The following PPARD variants were observed in gnomAD, a reference collection of about 807,000 sequenced individuals.
The protein encoded by PPARD is peroxisome proliferator-activated receptor delta.
In PPARD, 6 loss-of-function variants were observed where a neutral mutation model predicts 39.5. That is an observed-to-expected ratio of 0.15 (90% CI 0.08 to 0.30). The LOEUF is 0.30. Among genes scored for constraint, PPARD ranks in the 10% least tolerant of loss-of-function variants. The probability of loss-of-function intolerance (pLI) is 1.00; values close to 1 mark genes in which losing one functional copy is unlikely to be tolerated. For synonymous variants in PPARD, 210 were observed against 231.3 expected (o/e 0.91, Z 0.83); for missense variants, 397 against 596.8 (o/e 0.67, Z 3.49).
Position 35,424,522 on chromosome 6 carries a change from TC to T in PPARD, c.823del (p.Leu275SerfsTer31), listed in dbSNP as rs756937984. The T allele has an allele frequency of 1.2e-6, 2 of 1,614,174 alleles. No homozygotes were observed. Among genetic ancestry groups the T allele is most frequent in the Non-Finnish European group, 1.7e-6 (2 of 1,180,028 alleles). On this transcript the variant is annotated frameshift_variant, in exon 7 of 8. Coordinates refer to ENST00000360694, the MANE Select transcript of PPARD (RefSeq NM_006238.5). LOFTEE classifies it high-confidence loss of function. The surrounding 1 kb of genome is among the most constrained non-coding windows in gnomAD (Gnocchi z 7.1). The part of the protein sequence containing the change: ...AKSIPSFSSL[F>X]LNDQVTLLKY... The stretch of plus-strand genomic sequence containing the variant: ...AGCATCCCCAGCTTCAGCAGCCTCT[TC>T]CTCAACGACCAGGTTACCCTTCTCA...
At chr6:35,418,267 C>T (rs1337675172) in intron 3 of PPARD, among the ~76,000 whole-genome samples, 1 of 152,230 alleles carries the variant, frequency 6.6e-6, no homozygotes, top group Non-Finnish European at 1.5e-5. Flanking sequence ...CACAGGCATC[C>T]ACAAAGGGTT....
At chr6:35,389,704 G>T (rs942369155) in intron 2 of PPARD, among the ~76,000 whole-genome samples, 3 of 152,322 alleles carry the variant, frequency 2.0e-5, no homozygotes, top group Non-Finnish European at 4.4e-5. Context: ...CTAACCATGA[G>T]TATGTTATAC....
chr6:35,398,464 C>CT (rs1764485386), intron 2 of PPARD, among the ~76,000 whole-genome samples: 1 of 152,134 alleles, frequency 6.6e-6, no homozygotes, highest in Admixed American at 6.5e-5. Context: ...ATGTGTTAGG[C>CT]TTGTGCTGCC....
chr6:35,406,991 G>T (rs1011713732), intron 2 of PPARD, among the ~76,000 whole-genome samples: 1 of 152,152 alleles, frequency 6.6e-6, no homozygotes, highest in Non-Finnish European at 1.5e-5. Flanking sequence ...TGCAAGGGGG[G>T]CCTATAAGGC....
At chr6:35,350,773 G>A (rs1761197258) in intron 2 of PPARD, among the ~76,000 whole-genome samples, 1 of 151,458 alleles carries the variant, frequency 6.6e-6, no homozygotes, top group Admixed American at 6.6e-5. Flanking sequence ...TTACAGGCAT[G>A]TGTCACCATG....
intron 1 of PPARD, among the ~76,000 whole-genome samples, chr6:35,346,145 C>G (rs1206079854): frequency 6.6e-6 from 1 of 152,102 alleles, no homozygotes; most frequent in Non-Finnish European, 1.5e-5. Flanking sequence ...TCCCAAAGTG[C>G]TGGGATTACA....
chr6:35,396,235 C>T (rs1487282187), intron 2 of PPARD, among the ~76,000 whole-genome samples: 4 of 150,966 alleles, frequency 2.6e-5, no homozygotes, highest in South Asian at 2.1e-4. Flanking sequence ...GACAGAGTCT[C>T]GCTCTGTCGC....
intron 2 of PPARD, among the ~76,000 whole-genome samples, chr6:35,368,810 G>A (rs1645148022): frequency 1.3e-5 from 2 of 152,234 alleles, no homozygotes; most frequent in South Asian, 4.1e-4. Context: ...GAGCTTTATG[G>A]TGGCCTCTGG....
chr6:35,398,399 G>T lies in PPARD; in HGVS notation c.-101-12588G>T, dbSNP rs74791644. Among the ~76,000 whole-genome samples, 95 of 152,322 alleles carry T rather than the reference G, an allele frequency of 6.2e-4. No homozygotes were observed. The East Asian group carries it at 0.014, about 23-fold the overall frequency. On this transcript the variant is annotated intron_variant, in intron 2 of 7. Transcript: ENST00000360694. ...TGACTCTAACTTAAAGGTTGGAGTT[G>T]TCATTTACTGAGATGAGAGAGACCA...
chr6:35,372,892 GTGC>G (rs1762581509), intron 2 of PPARD, among the ~76,000 whole-genome samples: 1 of 152,162 alleles, frequency 6.6e-6, no homozygotes, highest in African/African-American at 2.4e-5. Context: ...GTCTTAGTCT[GTGC>G]TGCTATAACA....
At chr6:35,402,322 A>G (rs1056488452) in intron 2 of PPARD, among the ~76,000 whole-genome samples, 1 of 152,050 alleles carries the variant, frequency 6.6e-6, no homozygotes, top group Non-Finnish European at 1.5e-5. Flanking sequence ...AAAACCACAG[A>G]TTTTTCGCAG....
chr6:35,383,927 G>A lies in PPARD; in HGVS notation c.-101-27060G>A, dbSNP rs571705035. 1.7e-4 allele frequency among the ~76,000 whole-genome samples: 23 copies of A among 135,658 alleles called. 2 individuals carry two copies. The East Asian group carries it at 4.7e-3, about 28-fold the overall frequency. 89.0% of individuals were successfully genotyped at this position (135,658 alleles called of 152,430 possible). A position where few individuals can be genotyped will look rare whatever the true frequency, so the allele number is the denominator to read the frequency against. On this transcript the variant is annotated intron_variant, in intron 2 of 7. Transcript: ENST00000360694. ...TCTCCGCCCGGCAGCCACCCCGTCC[G>A]GGAGGGAGGTGGGGGGGGTCAGCCC...
At chr6:35,375,344 A>G (rs571336554) in intron 2 of PPARD, among the ~76,000 whole-genome samples, 1 of 150,900 alleles carries the variant, frequency 6.6e-6, no homozygotes, top group Non-Finnish European at 1.5e-5. Flanking sequence ...CAGCCTCCCA[A>G]GTAGCTGGGA....
chr6:35,399,743 ACTTT>A (rs1764578906), intron 2 of PPARD, among the ~76,000 whole-genome samples: 1 of 152,164 alleles, frequency 6.6e-6, no homozygotes, highest in East Asian at 1.9e-4. Flanking sequence ...ATACAGGGGA[ACTTT>A]CTTCTATTCT....
In PPARD at chr6:35,372,136, C is replaced by T. The variant is rs890173108; in HGVS notation, c.-102+24986C>T. ...ATGGATTGTTGTGAGAATTAGATTGCATAGTGTCTAGCACTGTGCCTGACA... is the reference window on the plus strand; with the variant it reads ...ATGGATTGTTGTGAGAATTAGATTGTATAGTGTCTAGCACTGTGCCTGACA... On this transcript the variant is annotated intron_variant, in intron 2 of 7. Coordinates refer to ENST00000360694, the MANE Select transcript of PPARD (RefSeq NM_006238.5). 2.6e-5 allele frequency among the ~76,000 whole-genome samples: 4 copies of T among 152,190 alleles called. No homozygotes were observed. The East Asian group carries it at 5.8e-4, about 22-fold the overall frequency.
At position 35,421,912 on chromosome 6, in the gene PPARD, G is replaced by A. The variant is rs771905052; in HGVS notation, c.378G>A (p.Gln126=). 6 of 1,613,958 alleles carry A rather than the reference G, an allele frequency of 3.7e-6. 1 individual carries two copies. In the South Asian group the frequency reaches 6.6e-5, roughly 18 times the overall value. Residue 126 remains glutamine, a synonymous_variant, in exon 5 of 8, where the codon CAG becomes CAA. Transcript: ENST00000360694. ...AGAAGAAGAACCGCAACAAGTGCCA[G>A]TACTGCCGCTTCCAGAAGTGCCTGG... is the stretch of plus-strand genomic sequence containing the variant. The part of the protein sequence containing the change: ...KIQKKNRNKC[Q]YCRFQKCLAL...
intron 2 of PPARD, among the ~76,000 whole-genome samples, chr6:35,382,708 G>A (rs1190249436): frequency 6.6e-6 from 1 of 152,116 alleles, no homozygotes; most frequent in Admixed American, 6.6e-5. Context: ...GTCAGAGAAG[G>A]CTAAAGGATT....
In PPARD at chr6:35,407,137, A is replaced by ATGCTGTGT. The variant is rs1382463935; in HGVS notation, c.-101-3847_-101-3840dup. On this transcript the variant is annotated intron_variant, in intron 2 of 7. Transcript: ENST00000360694. ...TTCCCCAGGGTCACCAGAGGCTCAG[A>ATGCTGTGT]TGCTGTGTTGTCAAGTATATATACC... Among the ~76,000 whole-genome samples the ATGCTGTGT allele has an allele frequency of 4.6e-5, 7 of 152,174 alleles. No homozygotes were observed. In the East Asian group the frequency reaches 1.3e-3, roughly 29 times the overall value.
intron 1 of PPARD, among the ~76,000 whole-genome samples, chr6:35,345,196 C>T (rs1048678933): frequency 6.6e-6 from 1 of 152,204 alleles, no homozygotes; most frequent in African/African-American, 2.4e-5. Context: ...AGTTTGTCCA[C>T]TCTCATTTTC....
Sources: allele counts gnomAD v4.1 joint callset (sites outside exome capture counted in the v4.1 genomes callset), GRCh38; gene constraint gnomAD v4.1.1; non-coding constraint Gnocchi (gnomAD v3.1); transcripts MANE v1.5; gene names NCBI Gene and HGNC (gene_info 2026-07-23, HGNC 2026-07-21).